Variants in DGKK observed in about 807,000 individuals in gnomAD.
The protein encoded by DGKK is 142 kDa diacylglycerol kinase.
A neutral mutation model predicts 92.2 loss-of-function variants in DGKK; 35 were observed. The observed-to-expected ratio is 0.38, with a 90% CI of 0.29 to 0.50. The LOEUF (loss-of-function observed/expected upper bound fraction) is 0.50, where lower values mean the gene tolerates loss of function less well. Ranked by LOEUF, DGKK falls within the 20% of genes least tolerant of loss-of-function variation. The pLI, the probability that DGKK is intolerant of heterozygous loss-of-function variation, is 0.92. For missense variants in DGKK, 910 were observed against 992.2 expected (o/e 0.92, Z 1.11); for synonymous variants, 368 against 360.6 (o/e 1.02, Z -0.23).
intron 4 of DGKK, among the ~76,000 whole-genome samples, chrX:50,417,879 A>C (rs1925477500): frequency 9.0e-6 from 1 of 111,243 alleles, no homozygotes; most frequent in Non-Finnish European, 1.9e-5. Context: ...TTATCCTGGC[A>C]TTGAAAAATC....
Position 50,470,591 on chromosome X carries a change from A to T in DGKK, c.88T>A (p.Trp30Arg). 1 of 1,194,331 alleles carries T rather than the reference A, an allele frequency of 8.4e-7. No homozygotes were observed. Among genetic ancestry groups the T allele is most frequent in the Non-Finnish European group, 1.1e-6 (1 of 889,844 alleles). The change falls in exon 1 of 28, where the codon TGG (tryptophan) becomes AGG (arginine). Residue 30 changes from tryptophan (W) to arginine (R), a missense_variant. By Grantham distance (101) the Trp-to-Arg change is moderately radical. Transcript: ENST00000611977. ...PAESPEPPPP[W>R]PPPPPPPAPP... ...GCCGGTGGTGGTGGCGGCGGCGGCC[A>T]AGGCGGCGGAGGCTCTGGAGACTCA...
At position 50,386,422 on chromosome X, in the gene DGKK, C is replaced by T; in HGVS notation, c.2283G>A (p.Glu761=). The T allele has an allele frequency of 8.3e-7, 1 of 1,211,101 alleles. No homozygotes were observed. Among genetic ancestry groups the T allele is most frequent in the Non-Finnish European group, 1.1e-6 (1 of 895,107 alleles). Reference sequence around the variant, plus strand: ...GGAGACTCTGGGCCTTTGTAGCCAGCTCCAACTTGCACTTGGCTATGTGGT... The same window carrying T: ...GGAGACTCTGGGCCTTTGTAGCCAGTTCCAACTTGCACTTGGCTATGTGGT... ...QIDHIAKCKL[E]LATKAQSLQK... Residue 761 remains glutamate, a synonymous_variant, in exon 15 of 28, where the codon GAG becomes GAA. Coordinates refer to ENST00000611977, the MANE Select transcript of DGKK (RefSeq NM_001013742.4).
In DGKK at chrX:50,370,006, T is replaced by C. The variant is rs1162098603; in HGVS notation, c.3736+420A>G. 2.7e-5 allele frequency among the ~76,000 whole-genome samples: 3 copies of C among 112,120 alleles called. 1 individual carries two copies. The highest frequency in any genetic ancestry group is 9.7e-5 in the African/African-American group (3 of 30,817). On this transcript the variant is annotated intron_variant, in intron 27 of 27. Coordinates refer to ENST00000611977, the MANE Select transcript of DGKK (RefSeq NM_001013742.4). ...TTGAATCCTACTGATATGTCAATAG[T>C]GCTTAAGGCCAATTCTGAAGAAAGA...
intron 7 of DGKK, 128 bp from the exon 8 acceptor site, chrX:50,401,267 G>A: frequency 4.9e-6 from 3 of 610,028 alleles, no homozygotes; most frequent in Non-Finnish European, 7.9e-6. Flanking sequence ...GAGATTTGGT[G>A]CCATACATAT....
intron 1 of DGKK, among the ~76,000 whole-genome samples, chrX:50,464,786 C>T (rs1926852144): frequency 9.0e-6 from 1 of 111,290 alleles, no homozygotes; most frequent in South Asian, 3.8e-4. Context: ...ATGTAATTTA[C>T]ATACCATAAA....
chrX:50,393,119 A>G (rs1924742620), intron 9 of DGKK, 33 bp downstream of exon 9: 23 of 1,133,090 alleles, frequency 2.0e-5, no homozygotes, highest in Non-Finnish European at 2.6e-5. Context: ...ACTCCCTTAC[A>G]TACCCAATCA....
At chrX:50,382,867 T>C (rs1309481116) in intron 17 of DGKK, among the ~76,000 whole-genome samples, 4 of 112,094 alleles carry the variant, frequency 3.6e-5, no homozygotes, top group African/African-American at 6.5e-5. Context: ...ACATTGATGA[T>C]TTTAGTCATC....
chrX:50,375,745 C>T (rs1485496474), intron 24 of DGKK, among the ~76,000 whole-genome samples: 1 of 111,444 alleles, frequency 9.0e-6, no homozygotes, highest in Middle Eastern at 4.2e-3. Flanking sequence ...AGTTTCTCTT[C>T]GTTTATTGTC....
At chrX:50,437,887 A>T (rs1469251144) in intron 1 of DGKK, among the ~76,000 whole-genome samples, 1 of 110,951 alleles carries the variant, frequency 9.0e-6, no homozygotes, top group Non-Finnish European at 1.9e-5. Context: ...TGACTCTGAG[A>T]TTGTGCCCTA....
rs1041873446 is a variant in DGKK, at chrX:50,420,440, T to G, written c.905A>C (p.Asn302Thr). Residue 302 changes from asparagine to threonine, a missense_variant, in exon 4 of 28, where the codon AAC (asparagine) becomes ACC (threonine). Asn to Thr is a moderately conservative substitution (Grantham distance 65). Coordinates refer to ENST00000611977, the MANE Select transcript of DGKK (RefSeq NM_001013742.4). ...TCCCTGTTGGATGGTTTTTATGATGTTAATCCATTCTTCCATGTCTTTCCG... is the reference window on the plus strand; with the variant it reads ...TCCCTGTTGGATGGTTTTTATGATGGTAATCCATTCTTCCATGTCTTTCCG... ...PNRKDMEEWINIIKTIQQGEI... is the reference protein window; with the variant it reads ...PNRKDMEEWITIIKTIQQGEI... The G allele has an allele frequency of 1.5e-5, 18 of 1,209,253 alleles. No homozygotes were observed. Among genetic ancestry groups the G allele is most frequent in the Non-Finnish European group, 1.7e-5 (15 of 894,578 alleles).
intron 1 of DGKK, among the ~76,000 whole-genome samples, chrX:50,445,121 C>CTTTTTTTTTTTTTTTTTTTTT (rs57163220): frequency 1.5e-5 from 1 of 67,489 alleles, no homozygotes; most frequent in Admixed American, 1.9e-4. Context: ...CCTTTGCCCA[C>CTTTTTTTTTTTTTTTTTTTTT]TTTTTTTTTT....
At chrX:50,457,609 C>T (rs1020338738) in intron 1 of DGKK, among the ~76,000 whole-genome samples, 9 of 111,415 alleles carry the variant, frequency 8.1e-5, no homozygotes, top group Admixed American at 5.7e-4. Context: ...TAATAAACAA[C>T]GGATTAAAGT....
intron 1 of DGKK, among the ~76,000 whole-genome samples, chrX:50,444,741 C>G (rs1216721703): frequency 1.8e-5 from 2 of 111,504 alleles, no homozygotes; most frequent in Non-Finnish European, 3.8e-5. Context: ...GTGAATAGTG[C>G]TGCAATGAAC....
intron 8 of DGKK, among the ~76,000 whole-genome samples, chrX:50,399,010 G>T (rs1397099653): frequency 8.9e-6 from 1 of 112,229 alleles, no homozygotes; most frequent in Admixed American, 9.4e-5. Context: ...CACCTCTTTG[G>T]TCAACTACCT....
chrX:50,399,037 T>C (rs1924926913), intron 8 of DGKK, among the ~76,000 whole-genome samples: 1 of 112,589 alleles, frequency 8.9e-6, no homozygotes, highest in Non-Finnish European at 1.9e-5. Context: ...TGACTCCATA[T>C]GGATAACTAT....
chrX:50,457,783 A>G (rs181966036), intron 1 of DGKK, among the ~76,000 whole-genome samples: 109 of 111,775 alleles, frequency 9.8e-4, no homozygotes, highest in South Asian at 1.5e-3. Context: ...ACTAGCTTTT[A>G]CCACATATTT....
Position 50,372,500 on chromosome X carries a change from G to C in DGKK, c.3502-666C>G, listed in dbSNP as rs1252276829. Among the ~76,000 whole-genome samples, 5 of 111,816 alleles carry C rather than the reference G, an allele frequency of 4.5e-5. No homozygotes were observed. The Admixed American group carries it at 4.7e-4, about 11-fold the overall frequency. On this transcript the variant is annotated intron_variant, in intron 25 of 27. Transcript: ENST00000611977. ...TGAAGCAAGGAGAGAGCTAGAGAGA[G>C]GCTGGCTCAACTTTCTCCTCCTGGA...
intron 1 of DGKK, among the ~76,000 whole-genome samples, chrX:50,432,872 C>G (rs187720725): frequency 2.7e-4 from 30 of 111,777 alleles, no homozygotes; most frequent in Admixed American, 2.4e-3. Flanking sequence ...TGCCCCTCCC[C>G]CCTTCTTCTT....
Position 50,368,851 on chromosome X carries a change from C to A in DGKK, c.*89G>T. 1 of 767,078 alleles carries A rather than the reference C, an allele frequency of 1.3e-6. No homozygotes were observed. Among genetic ancestry groups the A allele is most frequent in the Admixed American group, 3.2e-5 (1 of 31,421 alleles). The allele number at this position is 767,078 out of a possible 1,213,427, so 63.2% of individuals were successfully genotyped here. On this transcript the variant is annotated 3_prime_UTR_variant, in exon 28 of 28. Coordinates refer to ENST00000611977, the MANE Select transcript of DGKK (RefSeq NM_001013742.4). ...TTTCTTGGTGGTGCTCATGTTTGTT[C>A]TGAAATGATTTAGTCTAGCCTGTAT...
Sources: gnomAD v4.1 joint callset for allele counts (sites outside exome capture counted in the v4.1 genomes callset) on GRCh38, gnomAD v4.1.1 for gene constraint, MANE v1.5 for transcripts, NCBI Gene and HGNC (gene_info 2026-07-23, HGNC 2026-07-21) for gene names.